The following DDX10 variants were observed in gnomAD, a reference collection of about 807,000 sequenced individuals.
DDX10 encodes DEAD-box helicase 10.
DDX10 carries 74 observed loss-of-function variants against 104.3 expected under a neutral mutation model. That is an observed-to-expected ratio of 0.71 (90% CI 0.59 to 0.86). DDX10 has a LOEUF of 0.86. Ranked by LOEUF, DDX10 falls within the 40% of genes least tolerant of loss-of-function variation. DDX10 has a pLI of 0.00. For synonymous variants in DDX10, 351 were observed against 353.4 expected (o/e 0.99, Z 0.08); for missense variants, 952 against 1,040.0 (o/e 0.92, Z 1.16).
At chr11:108,911,160 G>A (rs572290656) in intron 16 of DDX10, among the ~76,000 whole-genome samples, 1 of 152,148 alleles carries the variant, frequency 6.6e-6, no homozygotes, top group Middle Eastern at 3.4e-3. Flanking sequence ...ATCAGGGCAG[G>A]GACATGATTT....
At chr11:108,762,472 AG>A (rs2094351879) in intron 13 of DDX10, among the ~76,000 whole-genome samples, 1 of 152,212 alleles carries the variant, frequency 6.6e-6, no homozygotes, top group Admixed American at 6.5e-5. Flanking sequence ...AGTACAGATC[AG>A]CAACCCAGGT....
chr11:108,850,055 G>A (rs546439468), intron 15 of DDX10, among the ~76,000 whole-genome samples: 14 of 152,114 alleles, frequency 9.2e-5, no homozygotes, highest in East Asian at 7.7e-4. Context: ...AGAAAGAAAC[G>A]TTTTCTAATG....
At chr11:108,765,465 T>C (rs1368542910) in intron 13 of DDX10, among the ~76,000 whole-genome samples, 2 of 152,224 alleles carry the variant, frequency 1.3e-5, no homozygotes, top group Admixed American at 1.3e-4. Context: ...CTATTAGTTT[T>C]AAGGTAAATT....
chr11:108,901,260 C>A (rs192727273), intron 16 of DDX10, among the ~76,000 whole-genome samples: 119 of 152,318 alleles, frequency 7.8e-4, no homozygotes, highest in Non-Finnish European at 1.4e-3. Context: ...ACCATGCGTA[C>A]ATCATGCATA....
chr11:108,672,850 T>A (rs2094218828), intron 1 of DDX10, among the ~76,000 whole-genome samples: 1 of 152,246 alleles, frequency 6.6e-6, no homozygotes, highest in Non-Finnish European at 1.5e-5. Flanking sequence ...TAATGTAAAG[T>A]TAGCAAAATG....
chr11:108,680,647 A>G (rs543136485), intron 6 of DDX10, among the ~76,000 whole-genome samples: 1 of 152,356 alleles, frequency 6.6e-6, no homozygotes, highest in Non-Finnish European at 1.5e-5. Flanking sequence ...GAAGATAGCA[A>G]TGTAAATTCA....
intron 17 of DDX10, chr11:108,919,557 G>A (rs1053618609): frequency 6.6e-6 from 1 of 152,182 alleles, no homozygotes; most frequent in Admixed American, 6.5e-5. Context: ...GTGATTTAAT[G>A]TAACATACAT....
intron 16 of DDX10, among the ~76,000 whole-genome samples, chr11:108,864,068 C>T (rs1038811648): frequency 6.6e-6 from 1 of 152,174 alleles, no homozygotes; most frequent in African/African-American, 2.4e-5. Context: ...GCCTGCATTG[C>T]CAACCTTCCA....
At chr11:108,840,548 A>G (rs974016122) in intron 14 of DDX10, among the ~76,000 whole-genome samples, 1 of 152,306 alleles carries the variant, frequency 6.6e-6, no homozygotes. Context: ...TTCGCATTAC[A>G]TAGTAATGAA....
intron 13 of DDX10, among the ~76,000 whole-genome samples, chr11:108,788,790 GCC>G (rs1452334367): frequency 2.0e-5 from 3 of 152,218 alleles, no homozygotes; most frequent in Non-Finnish European, 2.9e-5. Flanking sequence ...CTCTTACTTA[GCC>G]ACACAACTCT....
intron 16 of DDX10, among the ~76,000 whole-genome samples, chr11:108,886,032 C>T (rs1379408180): frequency 6.6e-6 from 1 of 152,116 alleles, no homozygotes; most frequent in Non-Finnish European, 1.5e-5. Flanking sequence ...AGGCAAAATT[C>T]AAGTGAAGAT....
intron 13 of DDX10, among the ~76,000 whole-genome samples, chr11:108,773,789 A>C: frequency 6.6e-6 from 1 of 152,188 alleles, no homozygotes; most frequent in East Asian, 1.9e-4. Context: ...AAACTTACTA[A>C]TGTTTTAAAA....
At chr11:108,744,219 C>T (rs2094328692) in intron 13 of DDX10, among the ~76,000 whole-genome samples, 1 of 152,094 alleles carries the variant, frequency 6.6e-6, no homozygotes, top group Non-Finnish European at 1.5e-5. Context: ...GTAGTCTCGT[C>T]ATAGGAAGCA....
At chr11:108,701,885 C>A (rs946433962) in intron 9 of DDX10, among the ~76,000 whole-genome samples, 2 of 152,010 alleles carry the variant, frequency 1.3e-5, no homozygotes, top group African/African-American at 4.8e-5. Flanking sequence ...GGGGTTTTGC[C>A]ATGTTGGCCA....
intron 13 of DDX10, among the ~76,000 whole-genome samples, chr11:108,730,566 T>C (rs772209918): frequency 7.9e-5 from 12 of 152,328 alleles, no homozygotes; most frequent in Admixed American, 2.0e-4. Context: ...CTGTGAGTTA[T>C]ATAGAACTCA....
At chr11:108,773,540 G>C (rs554965664) in intron 13 of DDX10, among the ~76,000 whole-genome samples, 1 of 151,950 alleles carries the variant, frequency 6.6e-6, no homozygotes, top group Admixed American at 6.6e-5. Flanking sequence ...GCTTCCAACT[G>C]TGTGTACAGA....
intron 6 of DDX10, 76 bp downstream of exon 6, chr11:108,679,636 G>A: frequency 8.9e-7 from 1 of 1,121,954 alleles, no homozygotes. Flanking sequence ...TTAAATATCT[G>A]TTTTCTGGGA....
At chr11:108,848,962 A>G (rs958547840) in intron 15 of DDX10, among the ~76,000 whole-genome samples, 2 of 152,170 alleles carry the variant, frequency 1.3e-5, no homozygotes, top group Admixed American at 6.6e-5. Flanking sequence ...AAAGGATTTA[A>G]CTAGTGAATC....
chr11:108,840,023 C>A (rs530944576), intron 14 of DDX10, among the ~76,000 whole-genome samples: 2 of 152,196 alleles, frequency 1.3e-5, no homozygotes, highest in African/African-American at 2.4e-5. Flanking sequence ...CATCCTGAAA[C>A]TTCTGACTTA....
Sources: gnomAD v4.1 joint callset for allele counts (sites outside exome capture counted in the v4.1 genomes callset) on GRCh38, gnomAD v4.1.1 for gene constraint, MANE v1.5 for transcripts, NCBI Gene and HGNC (gene_info 2026-07-23, HGNC 2026-07-21) for gene names.